The following TMEM87B variants were observed in gnomAD, a reference collection of about 807,000 sequenced individuals.
TMEM87B encodes the protein transmembrane protein 87B.
TMEM87B carries 83 observed loss-of-function variants against 80.3 expected under a neutral mutation model. That is an observed-to-expected ratio of 1.03 (90% CI 0.87 to 1.24). TMEM87B has a LOEUF of 1.24. Among genes scored for constraint, TMEM87B ranks in the 50% most tolerant of loss-of-function variants. The pLI is 0.00. For missense variants in TMEM87B, 625 were observed against 674.4 expected (o/e 0.93, Z 0.81); for synonymous variants, 219 against 230.5 (o/e 0.95, Z 0.45).
chr2:112,078,374 A>G (rs1194266861), intron 6 of TMEM87B, among the ~76,000 whole-genome samples: 1 of 152,218 alleles, frequency 6.6e-6, no homozygotes, highest in Non-Finnish European at 1.5e-5. Flanking sequence ...GTGTTCTCAC[A>G]TGGCAGAAAG....
At chr2:112,095,163 T>C in intron 11 of TMEM87B, 1 of 910,026 alleles carries the variant, frequency 1.1e-6, no homozygotes, top group South Asian at 5.1e-5. Flanking sequence ...TTTTCTTTCT[T>C]TCTTTTTTTT....
At chr2:112,060,736 C>G (rs949855514) in intron 2 of TMEM87B, among the ~76,000 whole-genome samples, 3 of 151,938 alleles carry the variant, frequency 2.0e-5, no homozygotes, top group African/African-American at 7.3e-5. Context: ...GGGGTTTCAC[C>G]ATGTTGGCCA....
intron 1 of TMEM87B, among the ~76,000 whole-genome samples, chr2:112,058,480 G>T (rs1678150735): frequency 6.6e-6 from 1 of 152,262 alleles, no homozygotes; most frequent in Non-Finnish European, 1.5e-5. Context: ...TTCTAGCAGA[G>T]TGGGCACAGA....
chr2:112,076,787 T>G (rs1458029442), intron 5 of TMEM87B, among the ~76,000 whole-genome samples: 6 of 151,910 alleles, frequency 3.9e-5, no homozygotes, highest in African/African-American at 1.4e-4. Flanking sequence ...AAGGATGGTG[T>G]TTAAAAAATA....
intron 15 of TMEM87B, chr2:112,105,799 A>C: frequency 2.4e-6 from 1 of 416,292 alleles, no homozygotes; most frequent in Non-Finnish European, 4.2e-6. Context: ...TGGTTCTGAC[A>C]AATAGTTTCC....
At chr2:112,074,879 G>C (rs1231730273) in intron 4 of TMEM87B, 33 bp from the exon 5 acceptor site, 1 of 1,533,018 alleles carries the variant, frequency 6.5e-7, no homozygotes, top group Non-Finnish European at 8.8e-7. Flanking sequence ...AAATGCAGCA[G>C]TATAAAATGG....
intron 1 of TMEM87B, 108 bp from the exon 2 acceptor site, chr2:112,059,869 C>T: frequency 7.4e-7 from 1 of 1,352,892 alleles, no homozygotes; most frequent in Non-Finnish European, 9.8e-7. Context: ...AAAAAATACT[C>T]TTGTCAGAGA....
Position 112,113,076 on chromosome 2 carries a change from T to C in TMEM87B, c.1608+147T>C, listed in dbSNP as rs571473344. On this transcript the variant is annotated intron_variant, in intron 18 of 18. Transcript: ENST00000283206. Reference sequence around the variant, plus strand: ...GCTATGAATTGATTTGTGGGTAAAGTTGAAAGGATTTATGAATAAAGTCCC... The same window carrying C: ...GCTATGAATTGATTTGTGGGTAAAGCTGAAAGGATTTATGAATAAAGTCCC... The C allele has an allele frequency of 1.5e-4, 105 of 714,544 alleles. No individual in the cohort carries two copies. The Admixed American group carries it at 2.4e-3, about 16-fold the overall frequency. The allele number at this position is 714,544 out of a possible 1,614,324, so 44.3% of individuals were successfully genotyped here.
intron 8 of TMEM87B, 140 bp downstream of exon 8, chr2:112,081,658 A>C: frequency 1.4e-6 from 1 of 707,876 alleles, no homozygotes; most frequent in Non-Finnish European, 2.2e-6. Flanking sequence ...AGCCAAGGAA[A>C]GAATGTCAGA....
intron 15 of TMEM87B, among the ~76,000 whole-genome samples, chr2:112,102,658 A>T (rs116668823): frequency 0.011 from 1,605 of 152,234 alleles, 26 homozygotes; most frequent in African/African-American, 0.036. Flanking sequence ...ACTGCACGCC[A>T]GCCTGGACAA....
In TMEM87B at chr2:112,081,367, A is replaced by T; in HGVS notation, c.687A>T (p.Leu229Phe). 1 of 1,612,246 alleles carries T rather than the reference A, an allele frequency of 6.2e-7. No individual in the cohort carries two copies. Among genetic ancestry groups the T allele is most frequent in the Non-Finnish European group, 8.5e-7 (1 of 1,179,518 alleles). ...FYMVMCIVYI[L>F]YGILWLTWSA... The stretch of plus-strand genomic sequence containing the variant: ...TGGTGATGTGTATTGTTTATATATT[A>T]TATGGCATACTCTGGCTGACGTGGT... Residue 229 changes from leucine (L) to phenylalanine (F), a missense_variant, in exon 8 of 19, where the codon TTA (leucine) becomes TTT (phenylalanine). Coordinates refer to ENST00000283206, the MANE Select transcript of TMEM87B (RefSeq NM_032824.3).
intron 17 of TMEM87B, among the ~76,000 whole-genome samples, chr2:112,111,066 A>G (rs1375896560): frequency 1.3e-5 from 2 of 152,174 alleles, no homozygotes; most frequent in Admixed American, 6.5e-5. Context: ...ATGAGCTTGC[A>G]GTCACAGCAG....
In TMEM87B at chr2:112,116,208, G is replaced by A; in HGVS notation, c.*65G>A. The A allele has an allele frequency of 7.0e-7, 1 of 1,419,974 alleles. No homozygotes were observed. The allele number at this position is 1,419,974 out of a possible 1,614,324, so 88.0% of individuals were successfully genotyped here. On this transcript the variant is annotated 3_prime_UTR_variant, in exon 19 of 19. Coordinates refer to ENST00000283206, the MANE Select transcript of TMEM87B (RefSeq NM_032824.3). The stretch of plus-strand genomic sequence containing the variant: ...TATCCTTCATCAAGACTGAAAGTGA[G>A]CTTTGATTTGATATTGCCTAAAAAT...
intron 16 of TMEM87B, among the ~76,000 whole-genome samples, chr2:112,107,493 T>C (rs1459658579): frequency 6.6e-6 from 1 of 152,148 alleles, no homozygotes; most frequent in African/African-American, 2.4e-5. Context: ...CTTGCTATTT[T>C]CTATCTTACA....
intron 2 of TMEM87B, among the ~76,000 whole-genome samples, chr2:112,063,524 C>T (rs1408432717): frequency 5.3e-5 from 8 of 152,202 alleles, no homozygotes; most frequent in African/African-American, 1.4e-4. Context: ...AGGGGTCATA[C>T]TCATGCTGTG....
chr2:112,070,418 T>A (rs1276867124), intron 4 of TMEM87B, among the ~76,000 whole-genome samples: 1 of 152,218 alleles, frequency 6.6e-6, no homozygotes. Context: ...CCAGCACCAT[T>A]TATTGAATAG....
Position 112,091,713 on chromosome 2 carries a change from G to A in TMEM87B, c.1034G>A (p.Gly345Asp). Reference protein sequence around the residue: ...AVEGVMRVIGGSNHLAVVLDD... With the variant: ...AVEGVMRVIGDSNHLAVVLDD... ...TCTTCCCTTATTTTTATCTTTCAGG[G>A]TTCTAACCATTTAGCTGTTGTTCTT... The change falls in exon 11 of 19, where the codon GGT (glycine) becomes GAT (aspartate). Residue 345 changes from glycine (G) to aspartate (D), a missense_variant and splice_region_variant. Gly to Asp is a moderately conservative substitution (Grantham distance 94). Transcript: ENST00000283206. 6.2e-7 allele frequency: 1 copy of A among 1,610,844 alleles called. No individual in the cohort carries two copies. Among genetic ancestry groups the A allele is most frequent in the Non-Finnish European group, 8.5e-7 (1 of 1,177,846 alleles).
At chr2:112,113,278 G>A (rs1369837548) in intron 18 of TMEM87B, among the ~76,000 whole-genome samples, 1 of 152,150 alleles carries the variant, frequency 6.6e-6, no homozygotes, top group East Asian at 1.9e-4. Flanking sequence ...TACTAAGCAG[G>A]AAATTTGGAT....
intron 14 of TMEM87B, among the ~76,000 whole-genome samples, chr2:112,099,549 T>C (rs1266854339): frequency 1.8e-5 from 2 of 110,604 alleles, no homozygotes; most frequent in Non-Finnish European, 3.6e-5. Flanking sequence ...TATATATATA[T>C]ATATATACAC....
Sources: gnomAD v4.1 joint callset for allele counts (sites outside exome capture counted in the v4.1 genomes callset) on GRCh38, gnomAD v4.1.1 for gene constraint, MANE v1.5 for transcripts, NCBI Gene and HGNC (gene_info 2026-07-23, HGNC 2026-07-21) for gene names.